LONP2: variants seen among roughly 807,000 people sequenced by gnomAD.
LONP2 encodes the protein lon protease homolog 2, peroxisomal.
A neutral mutation model predicts 85.6 loss-of-function variants in LONP2; 60 were observed. The ratio of observed to expected loss-of-function variants is 0.70; its 90% CI spans 0.57 to 0.87. The LOEUF is 0.87. Among genes scored for constraint, LONP2 ranks in the 40% least tolerant of loss-of-function variants. LONP2 has a pLI of 0.00. For missense variants in LONP2, 860 were observed against 1,063.5 expected, an observed-to-expected ratio of 0.81 and a Z score of 2.66; for synonymous variants, 395 against 389.7, an observed-to-expected ratio of 1.01 and a Z score of -0.16.
At chr16:48,258,589 A>G in intron 3 of LONP2, 29 bp from the exon 4 acceptor site, 1 of 1,570,590 alleles carries the variant, frequency 6.4e-7, no homozygotes, top group Non-Finnish European at 8.6e-7. Flanking sequence ...TCTGAGAGAG[A>G]TCCTATTGAT....
At chr16:48,250,136 G>A (rs980734089) in intron 1 of LONP2, among the ~76,000 whole-genome samples, 1 of 151,216 alleles carries the variant, frequency 6.6e-6, no homozygotes, top group Non-Finnish European at 1.5e-5. Flanking sequence ...AGTGCAATAA[G>A]CCGAGATCAC....
At chr16:48,348,796 C>T (rs1351698278) in intron 14 of LONP2, among the ~76,000 whole-genome samples, 2 of 152,104 alleles carry the variant, frequency 1.3e-5, no homozygotes, top group Non-Finnish European at 2.9e-5. Context: ...ATTCAGCCCA[C>T]GTTTCCCATT....
At chr16:48,348,729 T>G (rs962513377) in intron 14 of LONP2, among the ~76,000 whole-genome samples, 3 of 152,144 alleles carry the variant, frequency 2.0e-5, no homozygotes, top group African/African-American at 7.2e-5. Context: ...CCAGGTCTCA[T>G]GCAGTCCTCT....
chr16:48,269,765 C>T (rs7199413), intron 6 of LONP2, among the ~76,000 whole-genome samples: 3,898 of 152,100 alleles, frequency 0.026, 159 homozygotes, highest in African/African-American at 0.087. Flanking sequence ...ACTAGAAAAT[C>T]ATTCCAAATA....
intron 7 of LONP2, among the ~76,000 whole-genome samples, chr16:48,276,523 T>G (rs1233247152): frequency 6.6e-6 from 1 of 152,224 alleles, no homozygotes; most frequent in Non-Finnish European, 1.5e-5. Flanking sequence ...GCTGGCTTTG[T>G]AAAAAAGACA....
At chr16:48,256,813 GT>G in intron 3 of LONP2, 72 bp downstream of exon 3, 2 of 1,428,476 alleles carry the variant, frequency 1.4e-6, no homozygotes, top group Non-Finnish European at 1.9e-6. Context: ...GAGTAGTTAA[GT>G]TTTGACCTTC....
At chr16:48,304,691 G>A (rs907593412) in intron 11 of LONP2, among the ~76,000 whole-genome samples, 5 of 152,158 alleles carry the variant, frequency 3.3e-5, no homozygotes, top group Admixed American at 1.3e-4. Flanking sequence ...GCAACGGAGC[G>A]AGACTCCATC....
intron 1 of LONP2, among the ~76,000 whole-genome samples, 169 bp from the exon 2 acceptor site, chr16:48,251,962 G>A (rs952166869): frequency 2.4e-4 from 37 of 152,154 alleles, no homozygotes; most frequent in African/African-American, 7.7e-4. Flanking sequence ...TGAGGGTAGT[G>A]GCAGAAGAGG....
intron 9 of LONP2, among the ~76,000 whole-genome samples, chr16:48,296,722 CAAAAA>C (rs911933648): frequency 5.1e-5 from 3 of 58,852 alleles, no homozygotes; most frequent in Non-Finnish European, 1.1e-4. Flanking sequence ...AACTCCATTT[CAAAAA>C]AAAAAAAAAA....
At chr16:48,277,553 T>A (rs1025589165) in intron 8 of LONP2, 74 bp downstream of exon 8, 7 of 1,458,370 alleles carry the variant, frequency 4.8e-6, no homozygotes, top group Non-Finnish European at 6.6e-6. Flanking sequence ...CATATTCAAG[T>A]GATATACACA....
At chr16:48,258,590 T>G (rs368684707) in intron 3 of LONP2, 28 bp from the exon 4 acceptor site, 6 of 1,571,466 alleles carry the variant, frequency 3.8e-6, no homozygotes, top group Non-Finnish European at 5.2e-6. Flanking sequence ...CTGAGAGAGA[T>G]CCTATTGATT....
chr16:48,308,594 T>C (rs540145971), intron 11 of LONP2, among the ~76,000 whole-genome samples: 3 of 145,328 alleles, frequency 2.1e-5, no homozygotes, highest in Admixed American at 1.4e-4. Flanking sequence ...GCCATTGCAC[T>C]CCAGTGTAGG....
intron 12 of LONP2, among the ~76,000 whole-genome samples, chr16:48,338,647 C>G (rs1959724648): frequency 6.6e-6 from 1 of 152,142 alleles, no homozygotes; most frequent in African/African-American, 2.4e-5. Context: ...GTGGCTCATG[C>G]CTGTAATCCC....
At chr16:48,248,743 C>G (rs983377340) in intron 1 of LONP2, among the ~76,000 whole-genome samples, 4 of 151,842 alleles carry the variant, frequency 2.6e-5, no homozygotes, top group Non-Finnish European at 4.4e-5. Context: ...AGTGGCTGGG[C>G]CTGGTGGCAC....
intron 7 of LONP2, among the ~76,000 whole-genome samples, chr16:48,275,763 G>C (rs1047206945): frequency 6.6e-6 from 1 of 152,068 alleles, no homozygotes; most frequent in Non-Finnish European, 1.5e-5. Context: ...GAAAAGCCTC[G>C]AACTCCAGAC....
In LONP2 at chr16:48,362,753, T is replaced by C. The variant is rs2151044709; in HGVS notation, c.*890T>C. 1 of 238,736 alleles carries C rather than the reference T, an allele frequency of 4.2e-6. No homozygotes were observed. The highest frequency in any genetic ancestry group is 8.9e-6 in the Non-Finnish European group (1 of 112,596). 14.8% of individuals were successfully genotyped at this position (238,736 alleles called of 1,614,324 possible). A position where few individuals can be genotyped will look rare whatever the true frequency, so the allele number is the denominator to read the frequency against. On this transcript the variant is annotated 3_prime_UTR_variant, in exon 5 of 5. Coordinates refer to the LONP2 transcript ENST00000565867. This position sits in a 1 kb window ranked among gnomAD's most constrained non-coding sequence, Gnocchi z 4.2. ...GGACCATAAACAACTAAAGAAACTA[T>C]ACAAGGAACTGAAGTTTAATCGAAT...
chr16:48,256,924 CTTTTA>C (rs956821080), intron 3 of LONP2, among the ~76,000 whole-genome samples, 183 bp downstream of exon 3: 6 of 148,524 alleles, frequency 4.0e-5, no homozygotes, highest in East Asian at 3.8e-4. Flanking sequence ...ACAAGCAGCT[CTTTTA>C]TTTTATATTT....
downstream of LONP2, among the ~76,000 whole-genome samples, chr16:48,359,749 C>T (rs1960506567): frequency 6.6e-6 from 1 of 151,944 alleles, no homozygotes; most frequent in Admixed American, 6.6e-5. Context: ...ACATTATAAC[C>T]AGTTCAAAAG....
chr16:48,277,558 T>C (rs1972238180), intron 8 of LONP2, 79 bp downstream of exon 8: 3 of 1,382,440 alleles, frequency 2.2e-6, no homozygotes, highest in Admixed American at 4.2e-5. Flanking sequence ...TCAAGTGATA[T>C]ACACAGTGGT....
Sources: gnomAD v4.1 joint callset for allele counts (sites outside exome capture counted in the v4.1 genomes callset) on GRCh38, gnomAD v4.1.1 for gene constraint, Gnocchi (gnomAD v3.1) non-coding constraint, MANE v1.5 for transcripts, NCBI Gene and HGNC (gene_info 2026-07-23, HGNC 2026-07-21) for gene names.